LCK: variants seen among roughly 807,000 people sequenced by gnomAD.
LCK encodes the protein LCK proto-oncogene, Src family tyrosine kinase, also known as tyrosine-protein kinase Lck.
LCK carries 14 observed loss-of-function variants against 64.6 expected under a neutral mutation model. The ratio of observed to expected loss-of-function variants is 0.22; its 90% CI spans 0.14 to 0.34. The LOEUF is 0.34. Among genes scored for constraint, LCK ranks in the 10% least tolerant of loss-of-function variants. LCK has a pLI of 1.00. For missense variants in LCK, 434 were observed against 668.1 expected (o/e 0.65, Z 3.86); for synonymous variants, 277 against 263.6 (o/e 1.05, Z -0.49).
At chr1:32,284,717 A>G (rs1640564476) in intron 12 of LCK, among the ~76,000 whole-genome samples, 2 of 152,158 alleles carry the variant, frequency 1.3e-5, no homozygotes, top group African/African-American at 4.8e-5. Flanking sequence ...TTTAATCCTC[A>G]TAACAATTCT....
Position 32,275,495 on chromosome 1 carries a change from C to T in LCK, c.378-74C>T, listed in dbSNP as rs1640232943. ...GGAGCAGGGAGTAGGCCTGGGGTGG[C>T]GGTGAAGGCTTGAGGGCCACGGAGG... is the stretch of plus-strand genomic sequence containing the variant. On this transcript the variant is annotated intron_variant, in intron 5 of 12. Transcript: ENST00000336890. The surrounding 1 kb of genome is among the most constrained non-coding windows in gnomAD (Gnocchi z 6.9). 6.4e-7 allele frequency: 1 copy of T among 1,564,444 alleles called. No individual in the cohort carries two copies. The highest frequency in any genetic ancestry group is 1.8e-5 in the Admixed American group (1 of 55,046).
intron 12 of LCK, among the ~76,000 whole-genome samples, chr1:32,280,981 C>T (rs1186465611): frequency 6.6e-6 from 1 of 152,158 alleles, no homozygotes; most frequent in Non-Finnish European, 1.5e-5. Context: ...GTGGCTTATG[C>T]CTATAATCTC....
intron 9 of LCK, among the ~76,000 whole-genome samples, chr1:32,277,997 G>A (rs114235057): frequency 0.012 from 1,786 of 152,160 alleles, 7 homozygotes; most frequent in African/African-American, 0.014. Flanking sequence ...GCAACATAGC[G>A]AGACTTCATT....
intron 1 of LCK, among the ~76,000 whole-genome samples, chr1:32,257,794 G>T (rs1639665477): frequency 6.6e-6 from 1 of 152,148 alleles, no homozygotes; most frequent in Admixed American, 6.5e-5. Flanking sequence ...TCACGTTACT[G>T]GTTGGGGGAC....
chr1:32,271,873 A>G (rs914874048), intron 1 of LCK, among the ~76,000 whole-genome samples: 1 of 152,124 alleles, frequency 6.6e-6, no homozygotes, highest in African/African-American at 2.4e-5. Flanking sequence ...AGGCAGTGGG[A>G]CCCTGGGGCT....
chr1:32,284,277 A>T (rs757363727), intron 12 of LCK, among the ~76,000 whole-genome samples: 1 of 147,298 alleles, frequency 6.8e-6, no homozygotes, highest in Non-Finnish European at 1.5e-5. Flanking sequence ...TATATCTGTG[A>T]GATATATATA....
At chr1:32,253,268 G>A (rs983775961) in intron 1 of LCK, among the ~76,000 whole-genome samples, 11 of 152,086 alleles carry the variant, frequency 7.2e-5, no homozygotes, top group African/African-American at 2.2e-4. Context: ...AGGGGGCTGA[G>A]GCAGAATTGC....
At chr1:32,272,632 AGAGAGAGAGAGAGAGAGC>A (rs1177111178) in intron 1 of LCK, among the ~76,000 whole-genome samples, 169 of 146,594 alleles carry the variant, frequency 1.2e-3, no homozygotes, top group African/African-American at 4.4e-3. Flanking sequence ...AAAGAGAGAG[AGAGAGAGAGAGAGAGAGC>A]GAGAGAGCGC....
chr1:32,258,817 A>C (rs893692222), intron 1 of LCK, among the ~76,000 whole-genome samples: 9 of 150,758 alleles, frequency 6.0e-5, no homozygotes, highest in East Asian at 5.8e-4. Context: ...AAAAAAAAAA[A>C]AAAAAACCCA....
rs1396562316 is a variant in LCK at position 32,275,942 on chromosome 1, C to T, written c.510C>T (p.Phe170=). 3.1e-6 allele frequency: 5 copies of T among 1,614,146 alleles called. No homozygotes were observed. Among genetic ancestry groups the T allele is most frequent in the Middle Eastern group, 3.3e-4 (2 of 6,062 alleles). ...AGSFSLSVRD[F]DQNQGEVVKH... is the part of the protein sequence containing the mutation. ...CGTTTTCACTGTCGGTCCGGGACTT[C>T]GACCAGAACCAGGGAGAGGTGGTGA... The change falls in exon 7 of 13, where the codon TTC becomes TTT. Residue 170 remains phenylalanine (F), a synonymous_variant. Transcript: ENST00000336890. This position sits in a 1 kb window ranked among gnomAD's most constrained non-coding sequence, Gnocchi z 6.9.
intron 1 of LCK, among the ~76,000 whole-genome samples, chr1:32,270,813 C>T (rs908703186): frequency 6.8e-6 from 1 of 147,122 alleles, no homozygotes; most frequent in African/African-American, 2.5e-5. Context: ...AAGCGATTCT[C>T]CTGCCTCAGC....
chr1:32,275,904 A>T lies in LCK; in HGVS notation c.482-10A>T. The T allele has an allele frequency of 6.2e-7, 1 of 1,613,980 alleles. No homozygotes were observed. The highest frequency in any genetic ancestry group is 8.5e-7 in the Non-Finnish European group (1 of 1,179,898). On this transcript the variant is annotated splice_polypyrimidine_tract_variant and intron_variant, in intron 6 of 12. Transcript: ENST00000336890. This position sits in a 1 kb window ranked among gnomAD's most constrained non-coding sequence, Gnocchi z 6.9. ...CTTTCGTCGCTTTGTCCATCCATTCATTCATTCAGGATCGTTTTCACTGTC... is the reference window on the plus strand; with the variant it reads ...CTTTCGTCGCTTTGTCCATCCATTCTTTCATTCAGGATCGTTTTCACTGTC...
intron 1 of LCK, among the ~76,000 whole-genome samples, chr1:32,261,497 T>C (rs974046315): frequency 2.0e-5 from 3 of 149,604 alleles, no homozygotes; most frequent in Non-Finnish European, 3.0e-5. Flanking sequence ...AATACAAAAA[T>C]TAGCTGGGCC....
intron 1 of LCK, among the ~76,000 whole-genome samples, chr1:32,260,925 T>C (rs1368158624): frequency 6.6e-6 from 1 of 152,212 alleles, no homozygotes; most frequent in Non-Finnish European, 1.5e-5. Context: ...TCCGACCACC[T>C]GCCTGTTCTT....
intron 1 of LCK, among the ~76,000 whole-genome samples, chr1:32,268,630 A>T (rs955850387): frequency 6.6e-6 from 1 of 151,910 alleles, no homozygotes; most frequent in Non-Finnish European, 1.5e-5. Context: ...ATAAAAGTAA[A>T]TAAATAAATA....
At chr1:32,271,944 A>C (rs1162341827) in intron 1 of LCK, among the ~76,000 whole-genome samples, 1 of 152,116 alleles carries the variant, frequency 6.6e-6, no homozygotes, top group East Asian at 1.9e-4. Flanking sequence ...GTCTGAATAG[A>C]ATGTTGCAGG....
rs866416120 is a variant in LCK, at chr1:32,279,714, G to A, written c.1008G>A (p.Leu336=). The A allele has an allele frequency of 1.2e-6, 2 of 1,613,398 alleles. No individual in the cohort carries two copies. Among genetic ancestry groups the A allele is most frequent in the Non-Finnish European group, 1.7e-6 (2 of 1,179,430 alleles). The change falls in exon 10 of 13, where the codon TTG becomes TTA. Residue 336 remains leucine (L), a synonymous_variant. Transcript: ENST00000336890. ...TCAAGACCCCTTCAGGCATCAAGTT[G>A]ACCATCAACAAACTCCTGGACATGG... The part of the protein sequence containing the change: ...DFLKTPSGIK[L]TINKLLDMAA...
Position 32,274,738 on chromosome 1 carries a change from T to C in LCK, c.107T>C (p.Leu36Pro). The change falls in exon 3 of 13, where the codon CTG (leucine) becomes CCG (proline). Residue 36 changes from leucine (L) to proline (P), a missense_variant and splice_region_variant. Coordinates refer to ENST00000336890, the MANE Select transcript of LCK (RefSeq NM_005356.5). ...PIVPLDGKGT[L>P]LIRNGSEVRD... ...CCACCCTCATCCCCCACTCCACAGCTGCTCATCCGAAATGGCTCTGAGGTG... is the reference window on the plus strand; with the variant it reads ...CCACCCTCATCCCCCACTCCACAGCCGCTCATCCGAAATGGCTCTGAGGTG... 1 of 1,581,976 alleles carries C rather than the reference T, an allele frequency of 6.3e-7. No individual in the cohort carries two copies. The highest frequency in any genetic ancestry group is 8.6e-7 in the Non-Finnish European group (1 of 1,161,648).
chr1:32,273,778 G>A (rs924578122), intron 1 of LCK, among the ~76,000 whole-genome samples: 3 of 152,176 alleles, frequency 2.0e-5, no homozygotes, highest in Admixed American at 2.0e-4. Context: ...AACCCTGTGA[G>A]ATGACTGTGG....
Sources: gnomAD v4.1 joint callset for allele counts (sites outside exome capture counted in the v4.1 genomes callset) on GRCh38, gnomAD v4.1.1 for gene constraint, Gnocchi (gnomAD v3.1) non-coding constraint, MANE v1.5 for transcripts, NCBI Gene and HGNC (gene_info 2026-07-23, HGNC 2026-07-21) for gene names.